VEPH1: variants seen among roughly 807,000 people sequenced by gnomAD.
VEPH1 encodes the protein ventricular zone-expressed PH domain-containing protein homolog 1.
Under a neutral mutation model 85.2 loss-of-function variants are expected in VEPH1, and 80 were observed. That is an observed-to-expected ratio of 0.94 (90% CI 0.78 to 1.13). The LOEUF (loss-of-function observed/expected upper bound fraction) is 1.13, where lower values mean the gene tolerates loss of function less well. Ranked by LOEUF, VEPH1 falls within the 50% of genes most tolerant of loss-of-function variation. The pLI is 0.00. For missense variants in VEPH1, 955 were observed against 980.5 expected, an observed-to-expected ratio of 0.97 and a Z score of 0.35; for synonymous variants, 297 against 348.0, an observed-to-expected ratio of 0.85 and a Z score of 1.63.
chr3:157,437,570 T>C, intron 4 of VEPH1: 1 of 1,600,300 alleles, frequency 6.2e-7, no homozygotes, highest in Non-Finnish European at 8.5e-7. Context: ...TTCATCATGC[T>C]GGAGAACTCG....
chr3:157,415,027 T>G (rs1731796782), intron 5 of VEPH1: 1 of 152,240 alleles, frequency 6.6e-6, no homozygotes. Flanking sequence ...GCCAAAAACC[T>G]GCTTCTCCCA....
In VEPH1 at chr3:157,442,876, T is replaced by C. The variant is rs781292518; in HGVS notation, c.530-14388A>G. On this transcript the variant is annotated intron_variant, in intron 4 of 13. Transcript: ENST00000362010. ...GATAGTGTTCTTAGCAATGAAGAGA[T>C]AAGAGAGACCGGAGGAGCAGAGTCT... 8 of 1,614,136 alleles carry C rather than the reference T, an allele frequency of 5.0e-6. No homozygotes were observed. In the South Asian group the frequency reaches 7.7e-5, roughly 16 times the overall value.
At chr3:157,370,278 AG>A (rs147033788) in intron 7 of VEPH1, among the ~76,000 whole-genome samples, 1,654 of 152,286 alleles carry the variant, frequency 0.011, 31 homozygotes, top group East Asian at 0.043. Context: ...TAAAGCTGGC[AG>A]GGGGTGGAAA....
Position 157,261,127 on chromosome 3 carries a change from T to A in VEPH1, c.*7A>T, listed in dbSNP as rs767086494. 6.3e-7 allele frequency: 1 copy of A among 1,586,568 alleles called. No homozygotes were observed. The highest frequency in any genetic ancestry group is 1.1e-5 in the South Asian group (1 of 90,078). The stretch of plus-strand genomic sequence containing the variant: ...GTGTATAATTGTCATGGCTGACTTA[T>A]AAATCCCTACAGATATGTGGTTACT... On this transcript the variant is annotated 3_prime_UTR_variant, in exon 14 of 14. Coordinates refer to ENST00000362010, the MANE Select transcript of VEPH1 (RefSeq NM_001167912.2).
intron 7 of VEPH1, among the ~76,000 whole-genome samples, chr3:157,372,470 T>C (rs952195721): frequency 1.3e-5 from 2 of 152,204 alleles, no homozygotes; most frequent in African/African-American, 2.4e-5. Flanking sequence ...ATGATGAATA[T>C]GAATAATATT....
chr3:157,353,116 G>A (rs1169490461), intron 9 of VEPH1, among the ~76,000 whole-genome samples: 3 of 152,206 alleles, frequency 2.0e-5, no homozygotes, highest in African/African-American at 7.2e-5. Context: ...TGGGCATCTG[G>A]AGTTATTACC....
At chr3:157,497,518 T>C (rs58846276) in intron 1 of VEPH1, among the ~76,000 whole-genome samples, 2,272 of 152,322 alleles carry the variant, frequency 0.015, 50 homozygotes, top group African/African-American at 0.051. Context: ...CAGGCTCAGA[T>C]ATTTACAGTG....
At chr3:157,375,245 A>G (rs959764526) in intron 7 of VEPH1, among the ~76,000 whole-genome samples, 1 of 152,354 alleles carries the variant, frequency 6.6e-6, no homozygotes, top group African/African-American at 2.4e-5. Context: ...AATTTTTTGC[A>G]GAGTTGCAGA....
intron 2 of VEPH1, among the ~76,000 whole-genome samples, chr3:157,479,088 A>C (rs1460179490): frequency 6.6e-6 from 1 of 152,184 alleles, no homozygotes; most frequent in Non-Finnish European, 1.5e-5. Context: ...GCATTTTGGC[A>C]AGGGATCAGC....
intron 4 of VEPH1, among the ~76,000 whole-genome samples, chr3:157,450,068 T>TG (rs1734845647): frequency 7.5e-6 from 1 of 132,682 alleles, no homozygotes; most frequent in Non-Finnish European, 1.6e-5. Flanking sequence ...TTTTTTTTTT[T>TG]TTTTTGAGAC....
chr3:157,435,684 T>G (rs1415551938), intron 4 of VEPH1, among the ~76,000 whole-genome samples: 1 of 152,228 alleles, frequency 6.6e-6, no homozygotes, highest in East Asian at 1.9e-4. Flanking sequence ...GGGATTGTTG[T>G]TTTTGCTTTC....
chr3:157,321,179 T>C (rs1325025606), intron 9 of VEPH1, among the ~76,000 whole-genome samples: 9 of 152,152 alleles, frequency 5.9e-5, no homozygotes, highest in Admixed American at 5.9e-4. Context: ...ACAAAACTTA[T>C]CCTTTGAAAT....
At chr3:157,459,941 T>C (rs1735680205) in intron 4 of VEPH1, 1 of 1,537,042 alleles carries the variant, frequency 6.5e-7, no homozygotes, top group Admixed American at 2.0e-5. Context: ...GAAACACAGA[T>C]TTGGAAGAAT....
intron 9 of VEPH1, among the ~76,000 whole-genome samples, chr3:157,349,046 G>A (rs1724553839): frequency 1.3e-5 from 2 of 152,264 alleles, no homozygotes; most frequent in Admixed American, 1.3e-4. Flanking sequence ...CAAGGACTCA[G>A]CAAGAAAATA....
chr3:157,442,349 T>A, intron 4 of VEPH1: 2 of 1,551,178 alleles, frequency 1.3e-6, no homozygotes, highest in Non-Finnish European at 1.8e-6. Flanking sequence ...ATTCTTCTTA[T>A]TTTCTTGCTA....
At chr3:157,444,264 G>C (rs1431733913) in intron 4 of VEPH1, among the ~76,000 whole-genome samples, 1 of 152,186 alleles carries the variant, frequency 6.6e-6, no homozygotes, top group Non-Finnish European at 1.5e-5. Context: ...TCTTCATGAG[G>C]TTTGGAGAAT....
intron 1 of VEPH1, among the ~76,000 whole-genome samples, chr3:157,498,095 G>A (rs879936649): frequency 6.6e-5 from 10 of 152,200 alleles, no homozygotes; most frequent in Admixed American, 1.3e-4. Flanking sequence ...ATAGCTTTAT[G>A]GAGGAAATGG....
intron 9 of VEPH1, among the ~76,000 whole-genome samples, chr3:157,348,433 A>G (rs1037085164): frequency 6.6e-6 from 1 of 151,082 alleles, no homozygotes; most frequent in Non-Finnish European, 1.5e-5. Flanking sequence ...TTTCTTTTTG[A>G]TAATAGCCAC....
intron 4 of VEPH1, among the ~76,000 whole-genome samples, chr3:157,435,344 T>C (rs538804639): frequency 9.2e-4 from 140 of 152,376 alleles, no homozygotes; most frequent in Non-Finnish European, 1.6e-3. Flanking sequence ...GAATTCTTTT[T>C]TGTTTTCACA....
Sources: gnomAD v4.1 joint callset for allele counts (sites outside exome capture counted in the v4.1 genomes callset) on GRCh38, gnomAD v4.1.1 for gene constraint, MANE v1.5 for transcripts, NCBI Gene and HGNC (gene_info 2026-07-23, HGNC 2026-07-21) for gene names.